The following FMN2 variants were observed in gnomAD, a reference collection of about 807,000 sequenced individuals.
FMN2 encodes formin 2, also known as formin-2.
FMN2 carries 51 observed loss-of-function variants against 142.3 expected under a neutral mutation model. The ratio of observed to expected loss-of-function variants is 0.36; its 90% confidence interval spans 0.29 to 0.45. FMN2 has a LOEUF of 0.45. Ranked by LOEUF, FMN2 falls within the 20% of genes least tolerant of loss-of-function variation. The probability of loss-of-function intolerance (pLI) is 1.00; values close to 1 mark genes in which losing one functional copy is unlikely to be tolerated. For synonymous variants in FMN2, 882 were observed against 869.8 expected, an observed-to-expected ratio of 1.01 and a Z score of -0.25; for missense variants, 1,936 against 2,122.8, an observed-to-expected ratio of 0.91 and a Z score of 1.73.
At chr1:240,143,811 C>G in intron 2 of FMN2, 1 of 1,529,264 alleles carries the variant, frequency 6.5e-7, no homozygotes, top group Non-Finnish European at 9.1e-7. Flanking sequence ...GCTATCATTC[C>G]ACAGGCTAGA....
rs570307514 is a variant in FMN2 at position 240,192,186 on chromosome 1, G to T, written c.1986+3924G>T. ...AAGTATCTGTTATAGTACTCTTTAT[G>T]CAGTGGCCACTCAGTTCCATTAGTT... On this transcript the variant is annotated intron_variant, in intron 4 of 17. Transcript: ENST00000319653. 6.6e-5 allele frequency among the ~76,000 whole-genome samples: 10 copies of T among 152,260 alleles called. 1 individual carries two copies. The highest frequency in any genetic ancestry group is 2.4e-4 in the African/African-American group (10 of 41,554).
rs756471884 is a variant in FMN2 at position 240,177,948 on chromosome 1, G to A, written c.1810G>A (p.Val604Ile). The change falls in exon 3 of 18, where the codon GTT becomes ATT. Residue 604 changes from valine to isoleucine, a missense_variant. Val to Ile is a conservative substitution (Grantham distance 29). Around this residue, in one of 8 missense-constraint regions of FMN2, gnomAD observed 478 missense variants for 462.8 expected, o/e 1.03. Transcript: ENST00000319653. ...AGATCAACTTTATACCTGGGCTGCA[G>A]TTAGTCAACCCACACACTCATTGGA... ...DQDQLYTWAA[V>I]SQPTHSLDYS... 6.3e-7 allele frequency: 1 copy of A among 1,593,160 alleles called. No homozygotes were observed. The highest frequency in any genetic ancestry group is 8.5e-7 in the Non-Finnish European group (1 of 1,173,380).
intron 1 of FMN2, among the ~76,000 whole-genome samples, chr1:240,104,222 T>C (rs962344510): frequency 1.3e-5 from 2 of 149,732 alleles, no homozygotes; most frequent in Non-Finnish European, 3.0e-5. Context: ...TTATATATAA[T>C]AGACATTATA....
At position 240,330,586 on chromosome 1, in the gene FMN2, G is replaced by T. The variant is rs1163962034; in HGVS notation, c.4438-17G>T. 6.2e-7 allele frequency: 1 copy of T among 1,601,960 alleles called. No homozygotes were observed. Among genetic ancestry groups the T allele is most frequent in the South Asian group, 1.1e-5 (1 of 88,372 alleles). On this transcript the variant is annotated splice_polypyrimidine_tract_variant and intron_variant, in intron 10 of 17. Transcript: ENST00000319653. ...TATAAGATAAAAGTTGTTTTTTGTT[G>T]TTATTCTGTTTTACAGACATTAAAA...
chr1:240,329,226 T>C lies in FMN2; in HGVS notation c.4307+59T>C, dbSNP rs111507136. The C allele has an allele frequency of 8.7e-5, 139 of 1,605,450 alleles. No homozygotes were observed. In the African/African-American group the frequency reaches 1.4e-3, roughly 17 times the overall value. ...CAGGCTATGGGTGGGCCCGTTTTGT[T>C]TGGAAAATGCAAATGCGGTGTCTTC... On this transcript the variant is annotated intron_variant, in intron 9 of 17. Transcript: ENST00000319653.
At chr1:240,355,711 AG>A in intron 13 of FMN2, 104 bp from the exon 14 acceptor site, 1 of 686,596 alleles carries the variant, frequency 1.5e-6, no homozygotes. Flanking sequence ...TATGCTGATT[AG>A]GGGAGTTAAC....
intron 7 of FMN2, among the ~76,000 whole-genome samples, chr1:240,259,460 G>A (rs1668551386): frequency 6.9e-6 from 1 of 145,522 alleles, no homozygotes; most frequent in Non-Finnish European, 1.5e-5. Context: ...TGAAGTGATT[G>A]CTTTAGTCCC....
chr1:240,091,957 G>A lies in FMN2; in HGVS notation c.-153G>A. 1 of 1,289,378 alleles carries A rather than the reference G, an allele frequency of 7.8e-7. No individual in the cohort carries two copies. Among genetic ancestry groups the A allele is most frequent in the Non-Finnish European group, 1.0e-6 (1 of 996,308 alleles). 79.9% of individuals were successfully genotyped at this position (1,289,378 alleles called of 1,614,324 possible). On this transcript the variant is annotated 5_prime_UTR_variant, in exon 1 of 18. Transcript: ENST00000319653. ...CAAAGCGGCGGCAGATGCGAGCGGG[G>A]CCAGCCGGGCGCGCGTCGGCCTCCC...
At chr1:240,180,574 T>C (rs1336230545) in intron 3 of FMN2, among the ~76,000 whole-genome samples, 2 of 150,418 alleles carry the variant, frequency 1.3e-5, no homozygotes, top group Non-Finnish European at 3.0e-5. Flanking sequence ...CCCTTTTTTT[T>C]TTTTTTTTTT....
chr1:240,241,330 C>A (rs556850608), intron 6 of FMN2, among the ~76,000 whole-genome samples: 2 of 144,398 alleles, frequency 1.4e-5, no homozygotes, highest in African/African-American at 5.1e-5. Flanking sequence ...AATTGAGTTT[C>A]TAATTCTTTT....
chr1:240,336,776 G>A (rs79916976), intron 13 of FMN2, among the ~76,000 whole-genome samples: 2,103 of 152,098 alleles, frequency 0.014, 55 homozygotes, highest in African/African-American at 0.049. Flanking sequence ...ATGAAATAAT[G>A]TAATTATATA....
chr1:240,303,590 C>G (rs1251942137), intron 8 of FMN2, among the ~76,000 whole-genome samples: 1 of 152,154 alleles, frequency 6.6e-6, no homozygotes, highest in Non-Finnish European at 1.5e-5. Context: ...TTAATATTCT[C>G]TCTTTGACTT....
chr1:240,328,173 G>GAA (rs1671253366), intron 8 of FMN2, among the ~76,000 whole-genome samples: 1 of 95,314 alleles, frequency 1.0e-5, no homozygotes, highest in Non-Finnish European at 2.2e-5. Flanking sequence ...AAAAAAAAAA[G>GAA]AAAAAGAAAA....
At chr1:240,327,201 G>A (rs978737489) in intron 8 of FMN2, among the ~76,000 whole-genome samples, 3 of 152,094 alleles carry the variant, frequency 2.0e-5, no homozygotes, top group Non-Finnish European at 2.9e-5. Flanking sequence ...ATGTACCTCC[G>A]TTACTTCTTT....
In FMN2 at chr1:240,236,463, T is replaced by C. The variant is rs546587950; in HGVS notation, c.4066-21482T>C. ...CCCCTGTGTTAGTTTTGCACTGTTATAAAGAAATACCTGGGACTGGGTATT... is the reference window on the plus strand; with the variant it reads ...CCCCTGTGTTAGTTTTGCACTGTTACAAAGAAATACCTGGGACTGGGTATT... On this transcript the variant is annotated intron_variant, in intron 6 of 17. Transcript: ENST00000319653. 2.0e-5 allele frequency among the ~76,000 whole-genome samples: 3 copies of C among 152,348 alleles called. No homozygotes were observed. In the South Asian group the frequency reaches 6.2e-4, roughly 32 times the overall value.
intron 2 of FMN2, among the ~76,000 whole-genome samples, chr1:240,147,598 T>A (rs989056222): frequency 6.6e-6 from 1 of 152,164 alleles, no homozygotes; most frequent in South Asian, 2.1e-4. Context: ...ACTCAAGTGA[T>A]CCTCCCACCT....
At chr1:240,243,686 GATT>G (rs1169719713) in intron 6 of FMN2, among the ~76,000 whole-genome samples, 1 of 152,156 alleles carries the variant, frequency 6.6e-6, no homozygotes, top group Non-Finnish European at 1.5e-5. Flanking sequence ...ATTGCATATG[GATT>G]ATTAACTGTA....
intron 6 of FMN2, among the ~76,000 whole-genome samples, chr1:240,252,953 C>CTTGTTTTTTTTTTTTTTTTT (rs1668326669): frequency 1.5e-5 from 1 of 65,346 alleles, no homozygotes; most frequent in African/African-American, 6.8e-5. Flanking sequence ...GTCTTGTTCA[C>CTTGTTTTTTTTTTTTTTTTT]TTTTTTTTTT....
intron 2 of FMN2, among the ~76,000 whole-genome samples, chr1:240,149,412 T>C (rs1376952699): frequency 6.6e-6 from 1 of 152,252 alleles, no homozygotes; most frequent in Non-Finnish European, 1.5e-5. Context: ...GTACTATTCA[T>C]GTCACATCCA....
Sources: gnomAD v4.1 joint callset for allele counts (sites outside exome capture counted in the v4.1 genomes callset) on GRCh38, gnomAD v4.1.1 for gene constraint, gnomAD v4.1.1 regional missense constraint, MANE v1.5 for transcripts, NCBI Gene and HGNC (gene_info 2026-07-23, HGNC 2026-07-21) for gene names.